The following PARD3B variants were observed in gnomAD, a reference collection of about 807,000 sequenced individuals.
PARD3B encodes the protein partitioning defective 3 homolog B.
In PARD3B, 103 loss-of-function variants were observed where a neutral mutation model predicts 130.2. The ratio of observed to expected loss-of-function variants is 0.79; its 90% CI spans 0.67 to 0.93. The LOEUF is 0.93. PARD3B is among the 40% of genes least tolerant of loss of function. The pLI is 0.00. For missense variants in PARD3B, 1,609 were observed against 1,499.2 expected (o/e 1.07, Z -1.21); for synonymous variants, 583 against 553.2 (o/e 1.05, Z -0.76).
At chr2:205,272,719 GGAA>G (rs1292621362) in intron 16 of PARD3B, among the ~76,000 whole-genome samples, 2 of 152,152 alleles carry the variant, frequency 1.3e-5, no homozygotes, top group Non-Finnish European at 2.9e-5. Flanking sequence ...GTGCCAGGCA[GGAA>G]GAAGGAGGAC....
chr2:205,154,160 T>TAATATCCAGAATCTACA lies in PARD3B; in HGVS notation c.1435-4559_1435-4543dup, dbSNP rs577871885. On this transcript the variant is annotated intron_variant, in intron 10 of 22. Coordinates refer to ENST00000406610, the MANE Select transcript of PARD3B (RefSeq NM_001302769.2). The stretch of plus-strand genomic sequence containing the variant: ...GCAATCTACCCATCTGACAAAGGGC[T>TAATATCCAGAATCTACA]AATATCCAGAATCTACAAAGAACTT... Among the ~76,000 whole-genome samples, 427 of 152,250 alleles carry TAATATCCAGAATCTACA rather than the reference T, an allele frequency of 2.8e-3. 6 individuals carry two copies. In the East Asian group the frequency reaches 0.032, roughly 11 times the overall value.
At chr2:205,193,670 C>T (rs1202791525) in intron 15 of PARD3B, among the ~76,000 whole-genome samples, 1 of 152,178 alleles carries the variant, frequency 6.6e-6, no homozygotes, top group Non-Finnish European at 1.5e-5. Flanking sequence ...AGGGCATTTC[C>T]ACTCTGTGCG....
chr2:205,465,601 T>C (rs1372181398), intron 20 of PARD3B, among the ~76,000 whole-genome samples: 1 of 152,244 alleles, frequency 6.6e-6, no homozygotes, highest in Non-Finnish European at 1.5e-5. Context: ...CGGCAGCTCT[T>C]GCCGCAATTA....
At position 205,473,654 on chromosome 2, in the gene PARD3B, ATG is replaced by A. The variant is rs751534704; in HGVS notation, c.3045-26216_3045-26215del. Among the ~76,000 whole-genome samples the A allele has an allele frequency of 0.025, 3,075 of 123,462 alleles. 45 individuals carry two copies. Among genetic ancestry groups the A allele is most frequent in the East Asian group, 0.063 (294 of 4,650 alleles). 81.0% of individuals were successfully genotyped at this position (123,462 alleles called of 152,430 possible). A position where few individuals can be genotyped will look rare whatever the true frequency, so the allele number is the denominator to read the frequency against. ...TGTTTCCCAATATAAGGTTATATATATGTGTGTGTGTGTGTGTGTGTGTGTGT... is the reference window on the plus strand; with the variant it reads ...TGTTTCCCAATATAAGGTTATATATATGTGTGTGTGTGTGTGTGTGTGTGT... On this transcript the variant is annotated intron_variant, in intron 20 of 22. Coordinates refer to ENST00000406610, the MANE Select transcript of PARD3B (RefSeq NM_001302769.2). This position sits in a 1 kb window ranked among gnomAD's most constrained non-coding sequence, Gnocchi z 4.9.
intron 18 of PARD3B, among the ~76,000 whole-genome samples, chr2:205,368,737 C>T (rs2044700882): frequency 6.6e-6 from 1 of 152,128 alleles, no homozygotes; most frequent in Admixed American, 6.5e-5. Context: ...TTAATTACCT[C>T]TCTAATATTT....
chr2:205,527,286 C>T (rs2051379098), intron 21 of PARD3B, among the ~76,000 whole-genome samples: 2 of 152,066 alleles, frequency 1.3e-5, no homozygotes, highest in Non-Finnish European at 2.9e-5. Context: ...GTCAGTACAA[C>T]CTAATGACCT....
intron 18 of PARD3B, among the ~76,000 whole-genome samples, chr2:205,375,237 G>C (rs117285565): frequency 7.9e-5 from 12 of 152,186 alleles, no homozygotes; most frequent in African/African-American, 1.7e-4. Flanking sequence ...ATTATTTAAC[G>C]TGCATAAAGT....
intron 22 of PARD3B, among the ~76,000 whole-genome samples, chr2:205,611,184 G>C (rs1459080890): frequency 6.6e-6 from 1 of 152,166 alleles, no homozygotes; most frequent in Non-Finnish European, 1.5e-5. Context: ...TGGTGGTGTA[G>C]ACATAGGAGG....
At position 205,563,651 on chromosome 2, in the gene PARD3B, T is replaced by TA. The variant is rs5837980; in HGVS notation, c.3260+10259dup. On this transcript the variant is annotated intron_variant, in intron 22 of 22. Transcript: ENST00000406610. The surrounding 1 kb of genome is among the most constrained non-coding windows in gnomAD (Gnocchi z 4.2). ...AGAAAATGTCAAAACCTACGGGTTG[T>TA]AAAAAAAAAAAGTAATAAAATACAA... Among the ~76,000 whole-genome samples the TA allele has an allele frequency of 0.58, 86,714 of 149,160 alleles. 25,393 individuals carry two copies. The highest frequency in any genetic ancestry group is 0.73 in the Middle Eastern group (210 of 288).
intron 1 of PARD3B, among the ~76,000 whole-genome samples, chr2:204,657,645 A>G (rs2035681432): frequency 6.6e-6 from 1 of 152,244 alleles, no homozygotes; most frequent in African/African-American, 2.4e-5. Context: ...TATACAAGCC[A>G]TACGTTTTCA....
rs143430923 is a variant in PARD3B at position 205,028,304 on chromosome 2, G to T, written c.395-19277G>T. Among the ~76,000 whole-genome samples, 510 of 152,094 alleles carry T rather than the reference G, an allele frequency of 3.4e-3. 3 individuals carry two copies. Among genetic ancestry groups the T allele is most frequent in the African/African-American group, 0.011 (477 of 41,510 alleles). On this transcript the variant is annotated intron_variant, in intron 3 of 22. Transcript: ENST00000406610. ...ACCTCCTCACATTAACAGAATGAAA[G>T]ATAAAAATCATATGGTTCTCTCAAC... is the stretch of plus-strand genomic sequence containing the variant.
chr2:205,037,846 T>G (rs1291848202), intron 3 of PARD3B, among the ~76,000 whole-genome samples: 1 of 152,086 alleles, frequency 6.6e-6, no homozygotes, highest in Non-Finnish European at 1.5e-5. Context: ...ATTTTACTTA[T>G]GTAAATTTTA....
chr2:204,715,277 A>G (rs565848553), intron 2 of PARD3B, among the ~76,000 whole-genome samples: 12 of 152,340 alleles, frequency 7.9e-5, no homozygotes, highest in Admixed American at 5.2e-4. Context: ...ATTTAATCTC[A>G]GTAAAGTTTA....
intron 2 of PARD3B, among the ~76,000 whole-genome samples, chr2:204,815,306 T>G (rs1316207862): frequency 6.6e-6 from 1 of 151,992 alleles, no homozygotes; most frequent in African/African-American, 2.4e-5. Context: ...TTGTTGAATT[T>G]ATTGGCATAA....
intron 10 of PARD3B, among the ~76,000 whole-genome samples, chr2:205,138,265 A>C (rs2032657719): frequency 6.6e-6 from 1 of 152,188 alleles, no homozygotes; most frequent in Non-Finnish European, 1.5e-5. Context: ...TTGAAGATAC[A>C]GAGTAGGCCA....
At position 204,677,971 on chromosome 2, in the gene PARD3B, G is replaced by A. The variant is rs913064135; in HGVS notation, c.121-8210G>A. Among the ~76,000 whole-genome samples the A allele has an allele frequency of 2.6e-5, 4 of 152,070 alleles. No individual in the cohort carries two copies. Among genetic ancestry groups the A allele is most frequent in the Non-Finnish European group, 5.9e-5 (4 of 68,014 alleles). On this transcript the variant is annotated intron_variant, in intron 1 of 22. Coordinates refer to ENST00000406610, the MANE Select transcript of PARD3B (RefSeq NM_001302769.2). The surrounding 1 kb of genome is among the most constrained non-coding windows in gnomAD (Gnocchi z 4.1). Reference sequence around the variant, plus strand: ...ATGGCATGTGCAAAAGGAACAATTAGGTATTTCAGTTTGAAAAAGTCACAT... The same window carrying A: ...ATGGCATGTGCAAAAGGAACAATTAAGTATTTCAGTTTGAAAAAGTCACAT...
At chr2:204,925,974 G>A (rs761611929) in intron 2 of PARD3B, among the ~76,000 whole-genome samples, 1 of 151,850 alleles carries the variant, frequency 6.6e-6, no homozygotes, top group East Asian at 1.9e-4. Flanking sequence ...TGCCGTGATT[G>A]TAAGTTTCCT....
At chr2:204,909,706 T>C (rs1056231261) in intron 2 of PARD3B, among the ~76,000 whole-genome samples, 4 of 152,184 alleles carry the variant, frequency 2.6e-5, no homozygotes, top group African/African-American at 9.7e-5. Flanking sequence ...CATGGGGTCA[T>C]TGATGAGTGG....
At chr2:205,554,393 T>C (rs1471411805) in intron 22 of PARD3B, among the ~76,000 whole-genome samples, 2 of 152,208 alleles carry the variant, frequency 1.3e-5, no homozygotes, top group Non-Finnish European at 2.9e-5. Context: ...AAAGTGACCA[T>C]CTGCTTTTAT....
Sources: allele counts gnomAD v4.1 joint callset (sites outside exome capture counted in the v4.1 genomes callset), GRCh38; gene constraint gnomAD v4.1.1; non-coding constraint Gnocchi (gnomAD v3.1); transcripts MANE v1.5; gene names NCBI Gene and HGNC (gene_info 2026-07-23, HGNC 2026-07-21).